Variants in KIF26B observed in about 807,000 individuals in gnomAD.
KIF26B encodes kinesin family member 26B.
Under a neutral mutation model 151.2 loss-of-function variants are expected in KIF26B, and 63 were observed. The ratio of observed to expected loss-of-function variants is 0.42; its 90% CI spans 0.34 to 0.51. The LOEUF (loss-of-function observed/expected upper bound fraction) is 0.51. Among genes scored for constraint, KIF26B ranks in the 20% least tolerant of loss-of-function variants. The pLI is 0.07. For synonymous variants in KIF26B, 1,357 were observed against 1,262.1 expected, an observed-to-expected ratio of 1.08 and a Z score of -1.59; for missense variants, 2,813 against 2,913.6, an observed-to-expected ratio of 0.97 and a Z score of 0.79.
At chr1:245,408,128 G>C (rs1393028869) in intron 3 of KIF26B, among the ~76,000 whole-genome samples, 1 of 152,084 alleles carries the variant, frequency 6.6e-6, no homozygotes, top group Non-Finnish European at 1.5e-5. Flanking sequence ...CTGACATCAG[G>C]GTTGAGTTGA....
chr1:245,276,259 C>T (rs993400687), intron 2 of KIF26B, among the ~76,000 whole-genome samples: 4 of 152,044 alleles, frequency 2.6e-5, no homozygotes, highest in Non-Finnish European at 4.4e-5. Context: ...CACTTGAACT[C>T]GAGAGGCAGA....
intron 2 of KIF26B, among the ~76,000 whole-genome samples, chr1:245,199,317 C>A (rs1234272818): frequency 1.3e-5 from 2 of 152,136 alleles, no homozygotes; most frequent in Non-Finnish European, 2.9e-5. Flanking sequence ...TCCCTCCTCC[C>A]TCCCTCCTCC....
At chr1:245,613,671 G>A (rs999855727) in intron 9 of KIF26B, among the ~76,000 whole-genome samples, 1 of 152,140 alleles carries the variant, frequency 6.6e-6, no homozygotes, top group Non-Finnish European at 1.5e-5. Context: ...AAGCCTCCTC[G>A]TGGCTCAAAA....
chr1:245,502,584 C>T (rs1378564484), intron 4 of KIF26B, among the ~76,000 whole-genome samples: 1 of 150,618 alleles, frequency 6.6e-6, no homozygotes, highest in Admixed American at 6.6e-5. Context: ...CTTGGCAAAC[C>T]ATGACTAGTT....
chr1:245,199,545 C>T (rs1212115320), intron 2 of KIF26B, among the ~76,000 whole-genome samples: 2 of 150,270 alleles, frequency 1.3e-5, no homozygotes, highest in Non-Finnish European at 1.5e-5. Context: ...GTGGTGTAAT[C>T]TTGGCTCACT....
chr1:245,334,961 C>T (rs1198927917), intron 2 of KIF26B, among the ~76,000 whole-genome samples: 2 of 152,172 alleles, frequency 1.3e-5, no homozygotes, highest in South Asian at 2.1e-4. Flanking sequence ...GGTCTCATGA[C>T]CTTAAGTTGG....
At position 245,366,852 on chromosome 1, in the gene KIF26B, G is replaced by A. The variant is rs900254182; in HGVS notation, c.484G>A (p.Val162Met). 2 of 1,613,930 alleles carry A rather than the reference G, an allele frequency of 1.2e-6. No individual in the cohort carries two copies. The highest frequency in any genetic ancestry group is 2.2e-5 in the East Asian group (1 of 44,884). Residue 162 changes from valine to methionine, a missense_variant, in exon 3 of 15, where the codon GTG (valine) becomes ATG (methionine). Coordinates refer to ENST00000407071, the MANE Select transcript of KIF26B (RefSeq NM_018012.4). ...TCTGTAGGACCCTGCTTTCTCGGCT[G>A]TGATTCACGACAAACTCCAGGTCCC... ...FPGKDPAFSA[V>M]IHDKLQVPNT...
intron 4 of KIF26B, among the ~76,000 whole-genome samples, chr1:245,483,082 G>A (rs949088340): frequency 8.6e-5 from 13 of 151,644 alleles, no homozygotes; most frequent in African/African-American, 2.4e-4. Flanking sequence ...AGCAGGTGCC[G>A]GACAAAGCTC....
chr1:245,395,979 A>T (rs888842818), intron 3 of KIF26B, among the ~76,000 whole-genome samples: 1 of 152,220 alleles, frequency 6.6e-6, no homozygotes, highest in Non-Finnish European at 1.5e-5. Context: ...TAAAAAATTC[A>T]CAACTGTGGC....
chr1:245,478,393 G>C (rs1660086989), intron 4 of KIF26B, among the ~76,000 whole-genome samples: 1 of 150,414 alleles, frequency 6.6e-6, no homozygotes, highest in African/African-American at 2.4e-5. Context: ...GTGTGAAATG[G>C]GAACCATCGC....
At chr1:245,677,844 G>T (rs565101332) in intron 10 of KIF26B, among the ~76,000 whole-genome samples, 1 of 152,350 alleles carries the variant, frequency 6.6e-6, no homozygotes, top group Admixed American at 6.5e-5. Flanking sequence ...ACTCAACACT[G>T]TCAGAAATAA....
intron 5 of KIF26B, among the ~76,000 whole-genome samples, chr1:245,590,914 GAA>G (rs10599314): frequency 0.023 from 2,132 of 91,370 alleles, 20 homozygotes; most frequent in Middle Eastern, 0.07. Flanking sequence ...TCAAAAAAAA[GAA>G]AAAAAAAAAA....
At chr1:245,201,021 C>T (rs961369226) in intron 2 of KIF26B, among the ~76,000 whole-genome samples, 13 of 152,126 alleles carry the variant, frequency 8.5e-5, no homozygotes, top group Non-Finnish European at 1.5e-5. Flanking sequence ...TTTAGAACAA[C>T]CCTAAAAAGG....
At chr1:245,565,930 A>G (rs1771490) in intron 5 of KIF26B, among the ~76,000 whole-genome samples, 80,100 of 152,086 alleles carry the variant, frequency 0.53, 23,487 homozygotes, top group African/African-American at 0.8. Context: ...AGAAGGTGCA[A>G]AGGGAGCAGG....
chr1:245,525,644 G>A (rs549732652), intron 4 of KIF26B, among the ~76,000 whole-genome samples: 3 of 152,306 alleles, frequency 2.0e-5, no homozygotes, highest in Admixed American at 2.0e-4. Flanking sequence ...TATAACATGA[G>A]TTACATTCTA....
intron 4 of KIF26B, among the ~76,000 whole-genome samples, chr1:245,489,218 A>G (rs1419146680): frequency 6.6e-6 from 1 of 152,220 alleles, no homozygotes; most frequent in African/African-American, 2.4e-5. Flanking sequence ...GAATAAACTT[A>G]TTGAAACACC....
chr1:245,565,949 A>G (rs2043005186), intron 5 of KIF26B, among the ~76,000 whole-genome samples: 2 of 152,218 alleles, frequency 1.3e-5, no homozygotes, highest in Admixed American at 1.3e-4. Flanking sequence ...GGCATGTCAC[A>G]TGGCAAGAGT....
chr1:245,593,955 C>G (rs980770306), intron 5 of KIF26B, among the ~76,000 whole-genome samples: 1 of 152,174 alleles, frequency 6.6e-6, no homozygotes, highest in African/African-American at 2.4e-5. Context: ...TGTTTGTTGG[C>G]CACATAAATG....
chr1:245,357,042 C>G (rs1672716213), intron 2 of KIF26B, among the ~76,000 whole-genome samples: 1 of 152,144 alleles, frequency 6.6e-6, no homozygotes, highest in African/African-American at 2.4e-5. Context: ...GTTCAAGGAA[C>G]AGCCAGAAGG....
Sources: gnomAD v4.1 joint callset for allele counts (sites outside exome capture counted in the v4.1 genomes callset) on GRCh38, gnomAD v4.1.1 for gene constraint, MANE v1.5 for transcripts, NCBI Gene and HGNC (gene_info 2026-07-23, HGNC 2026-07-21) for gene names.